PTCD2: variants seen among roughly 807,000 people sequenced by gnomAD.
PTCD2 encodes the protein pentatricopeptide repeat domain 2, also known as pentatricopeptide repeat-containing protein 2, mitochondrial.
Under a neutral mutation model 42.6 loss-of-function variants are expected in PTCD2, and 31 were observed. The ratio of observed to expected loss-of-function variants is 0.73; its 90% CI spans 0.55 to 0.98. The LOEUF (loss-of-function observed/expected upper bound fraction) is 0.98, where lower values mean the gene tolerates loss of function less well. Among genes scored for constraint, PTCD2 ranks in the 50% least tolerant of loss-of-function variants. PTCD2 has a pLI of 0.00. For synonymous variants in PTCD2, 183 were observed against 170.9 expected (o/e 1.07, Z -0.55); for missense variants, 476 against 454.8 (o/e 1.05, Z -0.42).
rs543450483 is a variant in PTCD2 at position 72,355,234 on chromosome 5, C to T, written c.942+2480C>T. Among the ~76,000 whole-genome samples, 39 of 152,006 alleles carry T rather than the reference C, an allele frequency of 2.6e-4. No homozygotes were observed. The South Asian group carries it at 7.9e-3, about 31-fold the overall frequency. On this transcript the variant is annotated intron_variant, in intron 9 of 9. Transcript: ENST00000380639. ...CCACAGTTAATTATTATGCATATTT[C>T]AAAAATGCCAAAGAAGTATATTTTA... is the stretch of plus-strand genomic sequence containing the variant.
In PTCD2 at chr5:72,350,937, A is replaced by G. The variant is rs73761769; in HGVS notation, c.829-1704A>G. 9.0e-3 allele frequency among the ~76,000 whole-genome samples: 1,374 copies of G among 152,286 alleles called. 32 individuals carry two copies. Among genetic ancestry groups the G allele is most frequent in the African/African-American group, 0.032 (1,318 of 41,558 alleles). Reference sequence around the variant, plus strand: ...ACATTACCAGTTTTTAAAAGTACATATGTGCACATTGTTCAGTATAATAAA... The same window carrying G: ...ACATTACCAGTTTTTAAAAGTACATGTGTGCACATTGTTCAGTATAATAAA... On this transcript the variant is annotated intron_variant, in intron 8 of 9. Transcript: ENST00000380639.
intron 4 of PTCD2, among the ~76,000 whole-genome samples, 197 bp downstream of exon 4, chr5:72,331,572 T>A (rs966188957): frequency 3.9e-5 from 6 of 152,116 alleles, no homozygotes; most frequent in African/African-American, 1.4e-4. Context: ...ATAGAACAAG[T>A]GTGGAGGAGG....
rs1050638851 is a variant in PTCD2 at position 72,338,957 on chromosome 5, G to A, written c.753+222G>A. Reference sequence around the variant, plus strand: ...ACCTAACATGCATTTCTAAATAGAAGGGTAGAGAAATTTCTCAAGTAATTA... The same window carrying A: ...ACCTAACATGCATTTCTAAATAGAAAGGTAGAGAAATTTCTCAAGTAATTA... On this transcript the variant is annotated intron_variant, in intron 7 of 9. Coordinates refer to ENST00000380639, the MANE Select transcript of PTCD2 (RefSeq NM_024754.5). Among the ~76,000 whole-genome samples the A allele has an allele frequency of 2.0e-5, 3 of 152,152 alleles. 1 individual carries two copies. Among genetic ancestry groups the A allele is most frequent in the Admixed American group, 1.3e-4 (2 of 15,280 alleles).
At chr5:72,321,273 C>G (rs1750829197) in intron 1 of PTCD2, 1 of 152,232 alleles carries the variant, frequency 6.6e-6, no homozygotes, top group African/African-American at 2.4e-5. Context: ...AAATGTTTGT[C>G]AGGCATTACT....
At chr5:72,339,392 A>G (rs1231059131) in intron 7 of PTCD2, among the ~76,000 whole-genome samples, 1 of 152,248 alleles carries the variant, frequency 6.6e-6, no homozygotes, top group Admixed American at 6.5e-5. Flanking sequence ...GAAATTTTAC[A>G]GCAGAAAAAT....
intron 4 of PTCD2, 30 bp from the exon 5 acceptor site, chr5:72,334,988 T>C: frequency 4.2e-6 from 6 of 1,436,304 alleles, no homozygotes; most frequent in Non-Finnish European, 5.9e-6. Flanking sequence ...TTTTAACTTT[T>C]AACCAAACTG....
intron 6 of PTCD2, among the ~76,000 whole-genome samples, chr5:72,336,310 T>C (rs1383989947): frequency 6.6e-6 from 1 of 152,194 alleles, no homozygotes; most frequent in African/African-American, 2.4e-5. Flanking sequence ...GTGATGTTTG[T>C]CACCTCCAGA....
At chr5:72,339,513 G>C (rs1406578947) in intron 7 of PTCD2, among the ~76,000 whole-genome samples, 1 of 152,102 alleles carries the variant, frequency 6.6e-6, no homozygotes, top group Admixed American at 6.5e-5. Flanking sequence ...CTGCTGGGGG[G>C]AGTCATTGAA....
intron 1 of PTCD2, chr5:72,321,181 C>G (rs1048613434): frequency 6.6e-6 from 1 of 152,242 alleles, no homozygotes; most frequent in African/African-American, 2.4e-5. Flanking sequence ...GACTTAACGG[C>G]ACGTTTCTTC....
At chr5:72,355,058 G>A (rs1022464754) in intron 9 of PTCD2, among the ~76,000 whole-genome samples, 2 of 151,960 alleles carry the variant, frequency 1.3e-5, no homozygotes, top group African/African-American at 4.8e-5. Flanking sequence ...AAAACACTAC[G>A]ATAAAAAAAA....
chr5:72,323,613 G>GT (rs1373921602), intron 2 of PTCD2, among the ~76,000 whole-genome samples: 1 of 151,862 alleles, frequency 6.6e-6, no homozygotes, highest in Non-Finnish European at 1.5e-5. Context: ...ACTGCCAGAT[G>GT]TTTGTGAGCT....
chr5:72,322,407 T>G lies in PTCD2; in HGVS notation c.220+143T>G, dbSNP rs987348922. 38 of 622,726 alleles carry G rather than the reference T, an allele frequency of 6.1e-5. 1 individual carries two copies. The highest frequency in any genetic ancestry group is 6.1e-4 in the South Asian group (36 of 59,170). The allele number at this position is 622,726 out of a possible 1,614,324, so 38.6% of individuals were successfully genotyped here. ...ATTTATTGTTAGTTTCATAGTGAAC[T>G]CTTATATTTATCTTGCATTTCATAC... On this transcript the variant is annotated intron_variant, in intron 2 of 9. Transcript: ENST00000380639.
chr5:72,344,786 G>A (rs1405731197), intron 8 of PTCD2, among the ~76,000 whole-genome samples: 1 of 152,160 alleles, frequency 6.6e-6, no homozygotes, highest in Non-Finnish European at 1.5e-5. Flanking sequence ...GATGCCCCGT[G>A]AGCCATAAAA....
rs1753134527 is a variant in PTCD2, at chr5:72,363,403, C to G, written c.*4976C>G. 1 of 152,210 alleles carries G rather than the reference C, an allele frequency of 6.6e-6. No individual in the cohort carries two copies. The highest frequency in any genetic ancestry group is 2.1e-4 in the South Asian group (1 of 4,834). 9.4% of individuals were successfully genotyped at this position (152,210 alleles called of 1,614,324 possible). A position where few individuals can be genotyped will look rare whatever the true frequency, so the allele number is the denominator to read the frequency against. On this transcript the variant is annotated 3_prime_UTR_variant, in exon 10 of 10. Coordinates refer to ENST00000380639, the MANE Select transcript of PTCD2 (RefSeq NM_024754.5). ...ATTCTCAGATGATGCCTTTGCTAGTCTGGGCAACACACTTTAAGAATAGTT... is the reference window on the plus strand; with the variant it reads ...ATTCTCAGATGATGCCTTTGCTAGTGTGGGCAACACACTTTAAGAATAGTT...
intron 2 of PTCD2, 78 bp downstream of exon 2, chr5:72,322,342 C>G (rs1750906992): frequency 4.7e-6 from 4 of 852,258 alleles, no homozygotes; most frequent in Non-Finnish European, 7.8e-6. Flanking sequence ...TTCAGTGTCT[C>G]CTTCAGTGAC....
chr5:72,357,608 G>A (rs893745345), intron 9 of PTCD2, among the ~76,000 whole-genome samples: 21 of 152,098 alleles, frequency 1.4e-4, no homozygotes, highest in African/African-American at 4.3e-4. Context: ...ATTTGGCCCT[G>A]CCTCCTCCTG....
chr5:72,350,268 TA>T (rs1324963915), intron 8 of PTCD2, among the ~76,000 whole-genome samples: 1 of 150,970 alleles, frequency 6.6e-6, no homozygotes, highest in Admixed American at 6.6e-5. Flanking sequence ...GCTAGTGGAG[TA>T]TACAAGACAC....
intron 8 of PTCD2, among the ~76,000 whole-genome samples, chr5:72,349,212 T>C (rs1463184691): frequency 6.6e-6 from 1 of 152,224 alleles, no homozygotes; most frequent in Non-Finnish European, 1.5e-5. Context: ...ATTATATCCC[T>C]GGTCCAGCAA....
rs1221758608 is a variant in PTCD2 at position 72,360,368 on chromosome 5, C to T, written c.*1941C>T. The T allele has an allele frequency of 6.6e-6, 1 of 152,156 alleles. No homozygotes were observed. The highest frequency in any genetic ancestry group is 1.9e-4 in the East Asian group (1 of 5,194). The allele number at this position is 152,156 out of a possible 1,614,324, so 9.4% of individuals were successfully genotyped here. A position where few individuals can be genotyped will look rare whatever the true frequency, so the allele number is the denominator to read the frequency against. On this transcript the variant is annotated 3_prime_UTR_variant, in exon 10 of 10. Transcript: ENST00000380639. Reference sequence around the variant, plus strand: ...GAGTGTGGCCTTGGTTGTTAGCTAACAACCATTCATTAGCGAAATAACCAA... The same window carrying T: ...GAGTGTGGCCTTGGTTGTTAGCTAATAACCATTCATTAGCGAAATAACCAA...
Sources: gnomAD v4.1 joint callset for allele counts (sites outside exome capture counted in the v4.1 genomes callset) on GRCh38, gnomAD v4.1.1 for gene constraint, MANE v1.5 for transcripts, NCBI Gene and HGNC (gene_info 2026-07-23, HGNC 2026-07-21) for gene names.